The following PIAS2 variants were observed in gnomAD, a reference collection of about 807,000 sequenced individuals.
PIAS2 encodes protein inhibitor of activated STAT 2, also known as E3 SUMO-protein ligase PIAS2.
A neutral mutation model predicts 69.7 loss-of-function variants in PIAS2; 19 were observed. The observed-to-expected ratio is 0.27, with a 90% confidence interval of 0.19 to 0.40. The LOEUF is 0.40. Among genes scored for constraint, PIAS2 ranks in the 10% least tolerant of loss-of-function variants. The pLI, the probability that PIAS2 is intolerant of heterozygous loss-of-function variation, is 1.00. For missense variants in PIAS2, 624 were observed against 757.0 expected (o/e 0.82, Z 2.06); for synonymous variants, 261 against 263.2 (o/e 0.99, Z 0.08).
intron 9 of PIAS2, 74 bp from the exon 10 acceptor site, chr18:46,829,941 A>G: frequency 1.5e-6 from 2 of 1,322,890 alleles, no homozygotes; most frequent in Non-Finnish European, 2.1e-6. Context: ...AGTAATACAC[A>G]TTACCTTGAA....
At position 46,895,638 on chromosome 18, in the gene PIAS2, T is replaced by A. The variant is rs2054738222; in HGVS notation, c.25-4584A>T. On this transcript the variant is annotated intron_variant, in intron 1 of 13. Transcript: ENST00000585916. ...GTGAGCGGAGATCACACTACTGCAC[T>A]CCAGCCTGGGTGACAGAGTGAGACT... is the stretch of plus-strand genomic sequence containing the variant. Among the ~76,000 whole-genome samples, 3 of 152,120 alleles carry A rather than the reference T, an allele frequency of 2.0e-5. No individual in the cohort carries two copies. The South Asian group carries it at 6.2e-4, about 32-fold the overall frequency.
intron 9 of PIAS2, among the ~76,000 whole-genome samples, chr18:46,832,784 G>A (rs911420300): frequency 3.3e-5 from 5 of 151,258 alleles, no homozygotes; most frequent in Middle Eastern, 3.2e-3. Flanking sequence ...CCCAGCTACT[G>A]GGGAGGCTGA....
intron 1 of PIAS2, 186 bp downstream of exon 1, chr18:46,917,136 C>T (rs530227612): frequency 9.8e-7 from 1 of 1,015,528 alleles, no homozygotes; most frequent in African/African-American, 1.7e-5. Flanking sequence ...CCGCGCCGCC[C>T]GCGTGCCCTC....
chr18:46,880,441 T>TTACAGTGACACATACC (rs2052038698), intron 2 of PIAS2, among the ~76,000 whole-genome samples: 1 of 151,860 alleles, frequency 6.6e-6, no homozygotes, highest in Admixed American at 6.6e-5. Flanking sequence ...TGACACACAC[T>TTACAGTGACACATACC]TACAGTGACA....
intron 9 of PIAS2, among the ~76,000 whole-genome samples, chr18:46,831,836 G>A (rs1322387273): frequency 5.3e-5 from 8 of 152,094 alleles, no homozygotes. Context: ...AAGTGTAAAA[G>A]TAAATTATAA....
In PIAS2 at chr18:46,812,496, C is replaced by T. The variant is rs926135389; in HGVS notation, c.1803G>A (p.Arg601=). 6.2e-6 allele frequency: 10 copies of T among 1,613,140 alleles called. No homozygotes were observed. Among genetic ancestry groups the T allele is most frequent in the South Asian group, 1.1e-5 (1 of 91,036 alleles). Residue 601 remains arginine, a synonymous_variant, in exon 14 of 14, where the codon AGG becomes AGA. Coordinates refer to ENST00000585916, the MANE Select transcript of PIAS2 (RefSeq NM_004671.5). ...TGCTGGTTATGACCCCTGTCTCACTCCTGCTGCTGGATGAACTAACATGAG... is the reference window on the plus strand; with the variant it reads ...TGCTGGTTATGACCCCTGTCTCACTTCTGCTGCTGGATGAACTAACATGAG... The part of the protein sequence containing the change: ...SSTHVSSSSS[R]SETGVITSSG...
At chr18:46,815,899 A>G (rs1181347628) in intron 12 of PIAS2, 1 of 985,398 alleles carries the variant, frequency 1.0e-6, no homozygotes, top group Non-Finnish European at 1.2e-6. Context: ...CAGGGTTATC[A>G]AGGGTTACTG....
chr18:46,911,973 C>A (rs1442862739), intron 1 of PIAS2, among the ~76,000 whole-genome samples: 1 of 152,126 alleles, frequency 6.6e-6, no homozygotes, highest in African/African-American at 2.4e-5. Flanking sequence ...ATCGCTTGAA[C>A]CCAGGAGGCG....
chr18:46,843,375 C>T (rs985112435), intron 8 of PIAS2, among the ~76,000 whole-genome samples: 14 of 152,138 alleles, frequency 9.2e-5, no homozygotes, highest in African/African-American at 2.9e-4. Context: ...TCTTCTTAAC[C>T]GGAAAGGGTT....
chr18:46,826,081 G>A (rs577011182), intron 11 of PIAS2, among the ~76,000 whole-genome samples: 1 of 152,308 alleles, frequency 6.6e-6, no homozygotes, highest in Non-Finnish European at 1.5e-5. Context: ...TTCATGGAAC[G>A]AACTAGGTAG....
At chr18:46,912,615 G>C (rs986639303) in intron 1 of PIAS2, among the ~76,000 whole-genome samples, 1 of 152,126 alleles carries the variant, frequency 6.6e-6, no homozygotes, top group African/African-American at 2.4e-5. Flanking sequence ...GTAACTGATA[G>C]AAATCAAAGT....
At chr18:46,867,151 A>T (rs190042418) in intron 2 of PIAS2, among the ~76,000 whole-genome samples, 1 of 152,088 alleles carries the variant, frequency 6.6e-6, no homozygotes, top group African/African-American at 2.4e-5. Context: ...CATAACAGAC[A>T]TATTCTCGGT....
At position 46,841,971 on chromosome 18, in the gene PIAS2, G is replaced by A. The variant is rs2045464237; in HGVS notation, c.1041+2083C>T. 3.3e-5 allele frequency among the ~76,000 whole-genome samples: 5 copies of A among 152,164 alleles called. No individual in the cohort carries two copies. The South Asian group carries it at 1.0e-3, about 32-fold the overall frequency. The stretch of plus-strand genomic sequence containing the variant: ...TGGCTAGGTGAGATGGCTCATGCCT[G>A]TAATCCCATTATTTTGGGAGGCCAA... On this transcript the variant is annotated intron_variant, in intron 8 of 13. Transcript: ENST00000585916.
intron 1 of PIAS2, among the ~76,000 whole-genome samples, chr18:46,904,955 A>G (rs1478626139): frequency 6.6e-6 from 1 of 152,148 alleles, no homozygotes; most frequent in African/African-American, 2.4e-5. Flanking sequence ...AAACGAAACA[A>G]AATTCTAGTA....
At chr18:46,836,229 T>C (rs556701001) in intron 9 of PIAS2, 128 bp downstream of exon 9, 33 of 724,682 alleles carry the variant, frequency 4.6e-5, no homozygotes, top group East Asian at 3.8e-4. Flanking sequence ...ACGGAAAACA[T>C]ACAAACATCT....
intron 1 of PIAS2, among the ~76,000 whole-genome samples, chr18:46,894,224 T>C (rs1568797230): frequency 6.6e-6 from 1 of 152,218 alleles, no homozygotes; most frequent in Non-Finnish European, 1.5e-5. Flanking sequence ...ATATGTTGTT[T>C]GGCAAATCTT....
chr18:46,908,017 T>C (rs2056831448), intron 1 of PIAS2: 1 of 152,240 alleles, frequency 6.6e-6, no homozygotes, highest in African/African-American at 2.4e-5. Context: ...AGAGTGCTGG[T>C]AATGTTCTCT....
At chr18:46,851,078 T>A (rs759560858) in intron 5 of PIAS2, among the ~76,000 whole-genome samples, 4 of 152,200 alleles carry the variant, frequency 2.6e-5, no homozygotes, top group Admixed American at 1.3e-4. Flanking sequence ...TGCACACAAT[T>A]ATGTGTTTTA....
At chr18:46,847,326 C>T (rs1228835046) in intron 5 of PIAS2, among the ~76,000 whole-genome samples, 1 of 152,108 alleles carries the variant, frequency 6.6e-6, no homozygotes, top group Admixed American at 6.5e-5. Context: ...TTTTCCACTG[C>T]CTTTTCTCTG....
Sources: allele counts gnomAD v4.1 joint callset (sites outside exome capture counted in the v4.1 genomes callset), GRCh38; gene constraint gnomAD v4.1.1; transcripts MANE v1.5; gene names NCBI Gene and HGNC (gene_info 2026-07-23, HGNC 2026-07-21).